CDC14A: variants seen among roughly 807,000 people sequenced by gnomAD.
The protein encoded by CDC14A is cell division cycle 14A, also known as dual specificity protein phosphatase CDC14A.
In CDC14A, 53 loss-of-function variants were observed where a neutral mutation model predicts 74.4. The ratio of observed to expected loss-of-function variants is 0.71; its 90% CI spans 0.57 to 0.89. CDC14A has a LOEUF of 0.89. Ranked by LOEUF, CDC14A falls within the 40% of genes least tolerant of loss-of-function variation. CDC14A has a pLI of 0.00. For synonymous variants in CDC14A, 247 were observed against 258.4 expected, an observed-to-expected ratio of 0.96 and a Z score of 0.43; for missense variants, 646 against 713.7, an observed-to-expected ratio of 0.91 and a Z score of 1.08.
At chr1:100,484,970 A>G (rs1669878855) in intron 11 of CDC14A, 1 of 973,868 alleles carries the variant, frequency 1.0e-6, no homozygotes, top group African/African-American at 1.7e-5. Flanking sequence ...TGAGTTAGGT[A>G]ATACTATCTC....
intron 12 of CDC14A, 106 bp downstream of exon 12, chr1:100,495,036 A>C: frequency 1.6e-6 from 1 of 635,948 alleles, no homozygotes; most frequent in Non-Finnish European, 2.8e-6. Flanking sequence ...TTTGTTCTAC[A>C]AATACTAAGT....
chr1:100,350,779 A>C (rs1650894586), upstream of CDC14A, among the ~76,000 whole-genome samples: 1 of 152,274 alleles, frequency 6.6e-6, no homozygotes, highest in South Asian at 2.1e-4. Context: ...CATCTTCGGA[A>C]ATACAACAAC....
intron 5 of CDC14A, among the ~76,000 whole-genome samples, chr1:100,436,101 A>T (rs1290201203): frequency 1.3e-5 from 2 of 152,030 alleles, no homozygotes; most frequent in Non-Finnish European, 2.9e-5. Flanking sequence ...TGTTTTCCTA[A>T]CTCCTGACCT....
At chr1:100,487,566 A>AAAACGAAACG (rs1553195560) in intron 11 of CDC14A, among the ~76,000 whole-genome samples, 21 of 15,138 alleles carry the variant, frequency 1.4e-3, no homozygotes, top group East Asian at 0.023. Flanking sequence ...TCTCAAAAAC[A>AAAACGAAACG]AAACAGAACA....
intron 2 of CDC14A, among the ~76,000 whole-genome samples, chr1:100,358,529 C>G (rs1314045358): frequency 6.6e-6 from 1 of 152,258 alleles, no homozygotes; most frequent in East Asian, 1.9e-4. Flanking sequence ...ATTGAAAGTG[C>G]AGGAAAGAGC....
At chr1:100,486,917 C>T (rs1670074150) in intron 11 of CDC14A, among the ~76,000 whole-genome samples, 1 of 152,112 alleles carries the variant, frequency 6.6e-6, no homozygotes, top group African/African-American at 2.4e-5. Context: ...GGTGCCAGCT[C>T]TGGAATATCA....
At chr1:100,421,285 T>C (rs1394431040) in intron 4 of CDC14A, among the ~76,000 whole-genome samples, 3 of 152,216 alleles carry the variant, frequency 2.0e-5, no homozygotes. Flanking sequence ...TTGAAATTAA[T>C]TTCATTCAGA....
At chr1:100,389,084 A>G (rs1643689989) in intron 3 of CDC14A, among the ~76,000 whole-genome samples, 1 of 142,172 alleles carries the variant, frequency 7.0e-6, no homozygotes, top group Non-Finnish European at 1.5e-5. Context: ...CCGAGGTGAG[A>G]GGATCGATTG....
chr1:100,381,885 T>A (rs538348339), intron 3 of CDC14A, among the ~76,000 whole-genome samples: 2 of 152,252 alleles, frequency 1.3e-5, no homozygotes, highest in Non-Finnish European at 2.9e-5. Context: ...GGGGAAGCAA[T>A]CAAAAGAGGG....
chr1:100,425,470 T>C (rs1662846709), intron 5 of CDC14A, among the ~76,000 whole-genome samples: 1 of 152,146 alleles, frequency 6.6e-6, no homozygotes, highest in South Asian at 2.1e-4. Context: ...AGTGAATATT[T>C]GAATGAATAC....
At chr1:100,475,320 GTTTGTTGGGGCA>G (rs1474424731) in intron 10 of CDC14A, among the ~76,000 whole-genome samples, 2 of 152,032 alleles carry the variant, frequency 1.3e-5, no homozygotes, top group African/African-American at 2.4e-5. Context: ...CTTTGTAATT[GTTTGTTGGGGCA>G]TTTTTATCAT....
intron 3 of CDC14A, among the ~76,000 whole-genome samples, chr1:100,382,283 A>G (rs1223103084): frequency 7.0e-6 from 1 of 141,934 alleles, no homozygotes; most frequent in East Asian, 2.1e-4. Flanking sequence ...TGGTGCAGTC[A>G]TAGCTCACTG....
chr1:100,351,327 G>C (rs1650965498), upstream of CDC14A, among the ~76,000 whole-genome samples: 1 of 152,186 alleles, frequency 6.6e-6, no homozygotes, highest in Non-Finnish European at 1.5e-5. Flanking sequence ...GACTGCGAAG[G>C]AAAACGCCGC....
At chr1:100,427,975 T>A (rs1663156697) in intron 5 of CDC14A, among the ~76,000 whole-genome samples, 1 of 152,174 alleles carries the variant, frequency 6.6e-6, no homozygotes, top group Non-Finnish European at 1.5e-5. Flanking sequence ...GAACAGCAAT[T>A]CAGGCACTGA....
intron 13 of CDC14A, 106 bp downstream of exon 13, chr1:100,496,155 C>A: frequency 1.2e-6 from 1 of 862,068 alleles, no homozygotes; most frequent in Non-Finnish European, 1.9e-6. Flanking sequence ...CAGCTTTTTG[C>A]TTTTTAAATT....
At chr1:100,420,061 C>CATATATATATATATATAT (rs1377818349) in intron 4 of CDC14A, among the ~76,000 whole-genome samples, 68 of 61,758 alleles carry the variant, frequency 1.1e-3, no homozygotes, top group Admixed American at 3.8e-3. Flanking sequence ...CACACACACA[C>CATATATATATATATATAT]ACATATATAT....
At chr1:100,470,222 G>A (rs1369879250) in intron 10 of CDC14A, among the ~76,000 whole-genome samples, 3 of 151,956 alleles carry the variant, frequency 2.0e-5, no homozygotes, top group African/African-American at 7.3e-5. Context: ...CCCAATAGAT[G>A]TACAAAAATT....
In CDC14A at chr1:100,353,937, T is replaced by C. The variant is rs1651512478; in HGVS notation, c.140+85T>C. On this transcript the variant is annotated intron_variant, in intron 2 of 15. Transcript: ENST00000336454. ...ACACTATGCACTTTTATGGCAGTTTTATTCATTTCCCCCCCAATGATACGA... is the reference window on the plus strand; with the variant it reads ...ACACTATGCACTTTTATGGCAGTTTCATTCATTTCCCCCCCAATGATACGA... The C allele has an allele frequency of 5.4e-6, 4 of 735,004 alleles. No individual in the cohort carries two copies. The South Asian group carries it at 6.4e-5, about 12-fold the overall frequency. The allele number at this position is 735,004 out of a possible 1,614,324, so 45.5% of individuals were successfully genotyped here. A position where few individuals can be genotyped will look rare whatever the true frequency, so the allele number is the denominator to read the frequency against.
In CDC14A at chr1:100,377,555, A is replaced by G. The variant is rs766561434; in HGVS notation, c.150A>G (p.Ala50=). The part of the protein sequence containing the change: ...DEELVYENFY[A]DFGPLNLAMV... ...TTTTCTTGTATCTTAGTTTCTATGC[A>G]GATTTTGGACCGCTGAACTTGGCAA... The change falls in exon 3 of 16, where the codon GCA becomes GCG. Residue 50 remains alanine (A), a synonymous_variant. Coordinates refer to ENST00000336454, the MANE Select transcript of CDC14A (RefSeq NM_003672.4). 1 of 1,612,226 alleles carries G rather than the reference A, an allele frequency of 6.2e-7. No homozygotes were observed. The highest frequency in any genetic ancestry group is 8.5e-7 in the Non-Finnish European group (1 of 1,179,010).
Sources: allele counts gnomAD v4.1 joint callset (sites outside exome capture counted in the v4.1 genomes callset), GRCh38; gene constraint gnomAD v4.1.1; transcripts MANE v1.5; gene names NCBI Gene and HGNC (gene_info 2026-07-23, HGNC 2026-07-21).